CENPF: variants seen among roughly 807,000 people sequenced by gnomAD.
CENPF encodes centromere protein F.
In CENPF, 214 loss-of-function variants were observed where a neutral mutation model predicts 307.3. The observed-to-expected ratio is 0.70, with a 90% confidence interval of 0.62 to 0.78. The LOEUF (loss-of-function observed/expected upper bound fraction) is 0.78, where lower values mean the gene tolerates loss of function less well. CENPF is among the 30% of genes least tolerant of loss of function. The pLI, the probability that CENPF is intolerant of heterozygous loss-of-function variation, is 0.00. For synonymous variants in CENPF, 1,259 were observed against 1,270.6 expected (o/e 0.99, Z 0.19); for missense variants, 3,401 against 3,483.9 (o/e 0.98, Z 0.60).
Position 214,646,361 on chromosome 1 carries a change from A to T in CENPF, c.6791A>T (p.Gln2264Leu), listed in dbSNP as rs1311418978. Residue 2264 changes from glutamine to leucine, a missense_variant, in exon 13 of 20, where the codon CAG (glutamine) becomes CTG (leucine). By Grantham distance (113) the Gln-to-Leu change is moderately radical (BLOSUM62 -2). Transcript: ENST00000366955. ...ACTGCAGTGGAGATGCTTCAGAATC[A>T]GTTAAAGGAGCTAAATGAGGCAGTA... Reference protein sequence around the residue: ...SKTAVEMLQNQLKELNEAVAA... With the variant: ...SKTAVEMLQNLLKELNEAVAA... 6.2e-7 allele frequency: 1 copy of T among 1,614,020 alleles called. No homozygotes were observed. The highest frequency in any genetic ancestry group is 1.7e-5 in the Admixed American group (1 of 59,976).
chr1:214,608,681 C>G (rs1657107884), intron 1 of CENPF: 1 of 1,597,294 alleles, frequency 6.3e-7, no homozygotes, highest in Admixed American at 1.7e-5. Context: ...CGCAGGGTCC[C>G]CAAGGGGGCG....
Position 214,642,009 on chromosome 1 carries a change from T to C in CENPF, c.3671T>C (p.Leu1224Pro). ...ATGCTAAGAAATAAGGAATTAAAAC[T>C]TCAGGAAAGTGAGAAGGAGAAGGAG... Reference protein sequence around the residue: ...EAMLRNKELKLQESEKEKECL... With the variant: ...EAMLRNKELKPQESEKEKECL... The change falls in exon 12 of 20, where the codon CTT (leucine) becomes CCT (proline). Residue 1224 changes from leucine (L) to proline (P), a missense_variant. Coordinates refer to ENST00000366955, the MANE Select transcript of CENPF (RefSeq NM_016343.4). 3 of 1,611,050 alleles carry C rather than the reference T, an allele frequency of 1.9e-6. No individual in the cohort carries two copies. The highest frequency in any genetic ancestry group is 1.7e-6 in the Non-Finnish European group (2 of 1,179,314).
chr1:214,642,333 C>G lies in CENPF; in HGVS notation c.3995C>G (p.Thr1332Ser), dbSNP rs767275308. The change falls in exon 12 of 20, where the codon ACT becomes AGT. Residue 1332 changes from threonine to serine, a missense_variant. Transcript: ENST00000366955. ...NDSRSECITA[T>S]RKMAEEVGKL... ...TCAAGGTCAGAATGTATCACAGCAA[C>G]TAGGAAAATGGCAGAAGAGGTAGGG... The G allele has an allele frequency of 6.2e-7, 1 of 1,613,564 alleles. No homozygotes were observed. Among genetic ancestry groups the G allele is most frequent in the East Asian group, 2.2e-5 (1 of 44,872 alleles).
intron 9 of CENPF, among the ~76,000 whole-genome samples, chr1:214,631,065 T>C (rs866119819): frequency 6.6e-6 from 1 of 152,364 alleles, no homozygotes; most frequent in Middle Eastern, 3.4e-3. Context: ...ATGATGACTC[T>C]ACCCAGCCTG....
At chr1:214,606,838 A>C (rs1657046920) in intron 1 of CENPF, among the ~76,000 whole-genome samples, 1 of 152,066 alleles carries the variant, frequency 6.6e-6, no homozygotes, top group African/African-American at 2.4e-5. Context: ...CCCAGTCCCA[A>C]CCACGCGGGA....
At chr1:214,658,153 C>G (rs529007635) in intron 18 of CENPF, among the ~76,000 whole-genome samples, 1 of 151,028 alleles carries the variant, frequency 6.6e-6, no homozygotes, top group Admixed American at 6.7e-5. Flanking sequence ...TTATCTATCT[C>G]TCACTGGTAA....
Position 214,663,587 on chromosome 1 carries a change from G to C in CENPF, c.9142-4G>C. On this transcript the variant is annotated splice_region_variant and splice_polypyrimidine_tract_variant and intron_variant, in intron 19 of 19. Coordinates refer to ENST00000366955, the MANE Select transcript of CENPF (RefSeq NM_016343.4). ...AACCTCTAACAGAGATGTTTGTGTT[G>C]CAGGTCAAAGTTGCTCAGCGGAGCC... 6.2e-7 allele frequency: 1 copy of C among 1,613,942 alleles called. No individual in the cohort carries two copies. Among genetic ancestry groups the C allele is most frequent in the Non-Finnish European group, 8.5e-7 (1 of 1,179,906 alleles).
chr1:214,663,815 C>A lies in CENPF; in HGVS notation c.*21C>A. Reference sequence around the variant, plus strand: ...AGTGAAGGCACTTTGTGTGTCAGTACCCCTGGGAGGTGCCAGTCATTGAAT... The same window carrying A: ...AGTGAAGGCACTTTGTGTGTCAGTAACCCTGGGAGGTGCCAGTCATTGAAT... On this transcript the variant is annotated 3_prime_UTR_variant, in exon 20 of 20. Coordinates refer to ENST00000366955, the MANE Select transcript of CENPF (RefSeq NM_016343.4). The A allele has an allele frequency of 1.9e-6, 3 of 1,597,824 alleles. No homozygotes were observed. The highest frequency in any genetic ancestry group is 2.6e-6 in the Non-Finnish European group (3 of 1,167,188).
intron 10 of CENPF, among the ~76,000 whole-genome samples, chr1:214,636,483 A>G (rs965803254): frequency 7.2e-5 from 11 of 152,188 alleles, no homozygotes; most frequent in Admixed American, 6.5e-4. Flanking sequence ...ATGGGAGTAT[A>G]ATAACTACAA....
At chr1:214,647,658 G>A (rs905724897) in intron 13 of CENPF, among the ~76,000 whole-genome samples, 1 of 152,148 alleles carries the variant, frequency 6.6e-6, no homozygotes, top group African/African-American at 2.4e-5. Context: ...CTACATAAGG[G>A]CAAAGCTTTG....
chr1:214,630,397 T>C (rs1168310391), intron 8 of CENPF, 137 bp from the exon 9 acceptor site: 1 of 1,023,120 alleles, frequency 9.8e-7, no homozygotes, highest in Non-Finnish European at 1.4e-6. Flanking sequence ...ATGTTCATCG[T>C]TAAGTGGACA....
chr1:214,652,392 CA>C (rs1372199363), intron 15 of CENPF, among the ~76,000 whole-genome samples: 1 of 151,154 alleles, frequency 6.6e-6, no homozygotes, highest in African/African-American at 2.4e-5. Context: ...AGGAGAGCTG[CA>C]AAGTCGAAAT....
chr1:214,657,188 C>T lies in CENPF; in HGVS notation c.8741C>T (p.Pro2914Leu), dbSNP rs1418920736. The T allele has an allele frequency of 1.2e-6, 2 of 1,614,146 alleles. No homozygotes were observed. Among genetic ancestry groups the T allele is most frequent in the Middle Eastern group, 1.6e-4 (1 of 6,062 alleles). Residue 2914 changes from proline (P) to leucine (L), a missense_variant, in exon 18 of 20, where the codon CCT becomes CTT. Transcript: ENST00000366955. ...GTTGTTCCAGGACCATCTCCAATCC[C>T]TTCTGTTACTGAAAAGAGGTTATCA... ...GPVVPGPSPI[P>L]SVTEKRLSSG... is the part of the protein sequence containing the mutation.
Position 214,645,700 on chromosome 1 carries a change from T to C in CENPF, c.6130T>C (p.Ser2044Pro). Residue 2044 changes from serine (S) to proline (P), a missense_variant, in exon 13 of 20, where the codon TCA becomes CCA. Transcript: ENST00000366955. ...QEKLQSLEKD[S>P]QALSLTKCEL... ...AAAGCTGCAGAGTTTGGAAAAGGAC[T>C]CACAGGCACTGTCTTTGACAAAATG... 3 of 1,614,178 alleles carry C rather than the reference T, an allele frequency of 1.9e-6. No homozygotes were observed. Among genetic ancestry groups the C allele is most frequent in the Non-Finnish European group, 2.5e-6 (3 of 1,180,024 alleles).
rs988096156 is a variant in CENPF, at chr1:214,645,772, C to T, written c.6202C>T (p.Leu2068Phe). The T allele has an allele frequency of 1.2e-6, 2 of 1,614,048 alleles. No homozygotes were observed. The highest frequency in any genetic ancestry group is 1.7e-6 in the Non-Finnish European group (2 of 1,180,046). Residue 2068 changes from leucine to phenylalanine, a missense_variant, in exon 13 of 20, where the codon CTT becomes TTT. Transcript: ENST00000366955. ...IAQLNKEKELLVKESESLQAR... is the reference protein window; with the variant it reads ...IAQLNKEKELFVKESESLQAR... ...ACAACTGAATAAAGAGAAAGAATTG[C>T]TTGTCAAGGAATCTGAAAGCCTGCA...
intron 13 of CENPF, 119 bp from the exon 14 acceptor site, chr1:214,648,556 C>A: frequency 8.8e-7 from 1 of 1,131,456 alleles, no homozygotes; most frequent in Non-Finnish European, 1.3e-6. Context: ...CGGGATTAGC[C>A]AGCTTCCATT....
Position 214,646,160 on chromosome 1 carries a change from G to A in CENPF, c.6590G>A (p.Ser2197Asn), listed in dbSNP as rs769877791. Residue 2197 changes from serine to asparagine, a missense_variant, in exon 13 of 20, where the codon AGC (serine) becomes AAC (asparagine). Coordinates refer to ENST00000366955, the MANE Select transcript of CENPF (RefSeq NM_016343.4). ...ACACAAATAGAAGAGATGGCCAGAA[G>A]CCTGAAAGTTTTTGAATTAGACCTT... is the stretch of plus-strand genomic sequence containing the variant. ...LKTQIEEMAR[S>N]LKVFELDLVT... 1.2e-6 allele frequency: 2 copies of A among 1,613,202 alleles called. No homozygotes were observed. The highest frequency in any genetic ancestry group is 2.2e-5 in the East Asian group (1 of 44,884).
At position 214,646,721 on chromosome 1, in the gene CENPF, A is replaced by C. The variant is rs1345947903; in HGVS notation, c.7151A>C (p.Glu2384Ala). 2 of 1,613,956 alleles carry C rather than the reference A, an allele frequency of 1.2e-6. No individual in the cohort carries two copies. Among genetic ancestry groups the C allele is most frequent in the African/African-American group, 1.3e-5 (1 of 74,920 alleles). Residue 2384 changes from glutamate (E) to alanine (A), a missense_variant, in exon 13 of 20, where the codon GAA becomes GCA. Coordinates refer to ENST00000366955, the MANE Select transcript of CENPF (RefSeq NM_016343.4). ...ATGACCCAAAGTCTGAGAGGTCTGG[A>C]ATTAGATGTTGTTACTATAAGGTCA... ...EGMTQSLRGL[E>A]LDVVTIRSEK... is the part of the protein sequence containing the mutation.
At chr1:214,611,646 G>A (rs1657203643) in intron 1 of CENPF, among the ~76,000 whole-genome samples, 3 of 152,214 alleles carry the variant, frequency 2.0e-5, no homozygotes, top group Non-Finnish European at 2.9e-5. Context: ...GATTACAGGC[G>A]TGAGCCACTG....
Sources: allele counts gnomAD v4.1 joint callset (sites outside exome capture counted in the v4.1 genomes callset), GRCh38; gene constraint gnomAD v4.1.1; transcripts MANE v1.5; gene names NCBI Gene and HGNC (gene_info 2026-07-23, HGNC 2026-07-21).